The following NHSL1 variants were observed in gnomAD, a reference collection of about 807,000 sequenced individuals.
NHSL1 encodes NHS-like protein 1.
Under a neutral mutation model 95.0 loss-of-function variants are expected in NHSL1, and 48 were observed. The ratio of observed to expected loss-of-function variants is 0.51; its 90% CI spans 0.40 to 0.64. The LOEUF (loss-of-function observed/expected upper bound fraction) is 0.64. Among genes scored for constraint, NHSL1 ranks in the 30% least tolerant of loss-of-function variants. The pLI is 0.00. For synonymous variants in NHSL1, 783 were observed against 833.9 expected, an observed-to-expected ratio of 0.94 and a Z score of 1.05; for missense variants, 1,971 against 2,077.7, an observed-to-expected ratio of 0.95 and a Z score of 1.00.
rs1775573258 is a variant in NHSL1, at chr6:138,430,663, G to A, written c.3682C>T (p.Pro1228Ser). 7 of 1,551,610 alleles carry A rather than the reference G, an allele frequency of 4.5e-6. No homozygotes were observed. The East Asian group carries it at 1.7e-4, about 38-fold the overall frequency. Residue 1228 changes from proline (P) to serine (S), a missense_variant, in exon 6 of 8, where the codon CCC (proline) becomes TCC (serine). Coordinates refer to ENST00000343505, the MANE Select transcript of NHSL1 (RefSeq NM_001144060.2). This position sits in a 1 kb window ranked among gnomAD's most constrained non-coding sequence, Gnocchi z 4.7. ...CCCTCCTCTCCCGTCGTGGGGCTGG[G>A]CACAGCTCGGAGGGCTTCGCTCACG... Reference protein sequence around the residue: ...ENVSEALRAVPSPTTGEEGSV... With the variant: ...ENVSEALRAVSSPTTGEEGSV...
rs1469877185 is a variant in NHSL1 at position 138,432,436 on chromosome 6, T to C, written c.1909A>G (p.Ile637Val). Reference protein sequence around the residue: ...DGFGNPRHSVINVFVGRAQKN... With the variant: ...DGFGNPRHSVVNVFVGRAQKN... ...TGAGCTCTTCCAACAAAAACATTGA[T>C]CACGCTGTGCCTGGGGTTCCCAAAG... Residue 637 changes from isoleucine to valine, a missense_variant, in exon 6 of 8, where the codon ATC becomes GTC. Physicochemically the swap from Ile to Val is conservative, Grantham distance 29 (BLOSUM62 3). Around this residue, in one of 3 missense-constraint regions of NHSL1, gnomAD observed 1,602 missense variants for 1,654.5 expected, o/e 0.97. Coordinates refer to ENST00000343505, the MANE Select transcript of NHSL1 (RefSeq NM_001144060.2). This position sits in a 1 kb window ranked among gnomAD's most constrained non-coding sequence, Gnocchi z 4.4. 1 of 1,552,380 alleles carries C rather than the reference T, an allele frequency of 6.4e-7. No homozygotes were observed.
chr6:138,584,230 A>C (rs990424552), intron 1 of NHSL1, among the ~76,000 whole-genome samples: 3 of 152,016 alleles, frequency 2.0e-5, no homozygotes, highest in Admixed American at 6.6e-5. Flanking sequence ...TTTTCCTACA[A>C]CCTTGTTTGT....
rs57326772 is a variant in NHSL1 at position 138,458,374 on chromosome 6, G to A, written c.340-11181C>T. Reference sequence around the variant, plus strand: ...AACTTTAGATTCAGCTTCCTTAGTCGTCTCTCTCCTCCTCTCATCCCCCAA... The same window carrying A: ...AACTTTAGATTCAGCTTCCTTAGTCATCTCTCTCCTCCTCTCATCCCCCAA... On this transcript the variant is annotated intron_variant, in intron 3 of 7. Transcript: ENST00000343505. Among the ~76,000 whole-genome samples the A allele has an allele frequency of 8.6e-4, 131 of 152,030 alleles. 2 individuals are homozygous for A. Among genetic ancestry groups the A allele is most frequent in the East Asian group, 5.8e-4 (3 of 5,162 alleles).
chr6:138,607,699 C>A (rs7767451), intron 1 of NHSL1, among the ~76,000 whole-genome samples: 78 of 152,306 alleles, frequency 5.1e-4, no homozygotes, highest in African/African-American at 1.8e-3. Flanking sequence ...GAGTCATAAT[C>A]GGAGTGGGGT....
At chr6:138,485,696 T>C (rs1238751596) in intron 2 of NHSL1, among the ~76,000 whole-genome samples, 1 of 152,196 alleles carries the variant, frequency 6.6e-6, no homozygotes, top group African/African-American at 2.4e-5. Context: ...TAATTCCCAT[T>C]CTGTTAATCC....
intron 3 of NHSL1, among the ~76,000 whole-genome samples, chr6:138,471,090 G>A (rs1229545456): frequency 6.6e-6 from 1 of 152,178 alleles, no homozygotes; most frequent in African/African-American, 2.4e-5. Context: ...ACATCTGGGA[G>A]AGGGCTGCTT....
chr6:138,472,042 C>T (rs1381188915), intron 3 of NHSL1, among the ~76,000 whole-genome samples: 3 of 151,948 alleles, frequency 2.0e-5, no homozygotes, highest in Admixed American at 1.3e-4. Context: ...ATCTGCCAAG[C>T]GTGGTGGCGT....
chr6:138,516,499 G>A (rs186285954), intron 1 of NHSL1, among the ~76,000 whole-genome samples: 28 of 152,294 alleles, frequency 1.8e-4, no homozygotes, highest in African/African-American at 6.3e-4. Context: ...ATGGCTGTGG[G>A]AGATATGGCT....
intron 1 of NHSL1, among the ~76,000 whole-genome samples, chr6:138,508,060 G>A (rs1339228861): frequency 1.3e-5 from 2 of 152,152 alleles, no homozygotes; most frequent in African/African-American, 2.4e-5. Context: ...TGCTGCCATC[G>A]GCTTGGTCAA....
intron 1 of NHSL1, among the ~76,000 whole-genome samples, chr6:138,537,575 C>A (rs1027152032): frequency 7.4e-6 from 1 of 135,414 alleles, no homozygotes; most frequent in Non-Finnish European, 1.5e-5. Context: ...GAGAAAATAC[C>A]AGCATCTTAT....
In NHSL1 at chr6:138,614,661, C is replaced by T. The variant is rs114136897; in HGVS notation, c.96+77815G>A. Among the ~76,000 whole-genome samples, 333 of 152,196 alleles carry T rather than the reference C, an allele frequency of 2.2e-3. 2 individuals carry two copies. Among genetic ancestry groups the T allele is most frequent in the African/African-American group, 7.2e-3 (300 of 41,510 alleles). On this transcript the variant is annotated intron_variant, in intron 1 of 3. Coordinates refer to the NHSL1 transcript ENST00000491526. ...ACTCCATGTCAGGGGGTCCACAACC[C>T]GCAGGCCATGGACCAGTACCAGTCT...
At chr6:138,518,071 A>G (rs1375105264) in intron 1 of NHSL1, among the ~76,000 whole-genome samples, 1 of 152,180 alleles carries the variant, frequency 6.6e-6, no homozygotes, top group Non-Finnish European at 1.5e-5. Context: ...GGAGTGAGAA[A>G]CTGCTGCAAG....
At chr6:138,661,557 G>C (rs1319598548) in intron 1 of NHSL1, among the ~76,000 whole-genome samples, 1 of 151,864 alleles carries the variant, frequency 6.6e-6, no homozygotes, top group Non-Finnish European at 1.5e-5. Context: ...AAGTACTCAG[G>C]AGGCTGAGGT....
At chr6:138,436,004 G>C (rs1229858203) in intron 5 of NHSL1, among the ~76,000 whole-genome samples, 5 of 152,134 alleles carry the variant, frequency 3.3e-5, no homozygotes, top group Non-Finnish European at 7.3e-5. Context: ...TGTGTGTTCT[G>C]ACTGCTCCAC....
At chr6:138,509,843 A>G (rs1296123875) in intron 1 of NHSL1, among the ~76,000 whole-genome samples, 2 of 152,242 alleles carry the variant, frequency 1.3e-5, no homozygotes, top group Non-Finnish European at 2.9e-5. Flanking sequence ...AGTACCCCTG[A>G]GTTATACAAA....
At chr6:138,583,763 A>T (rs967008859) in intron 1 of NHSL1, among the ~76,000 whole-genome samples, 1 of 152,144 alleles carries the variant, frequency 6.6e-6, no homozygotes, top group Non-Finnish European at 1.5e-5. Flanking sequence ...ACATAATCTA[A>T]TCTGGCTTGA....
At chr6:138,665,525 C>T (rs1041165683) in intron 1 of NHSL1, among the ~76,000 whole-genome samples, 8 of 152,196 alleles carry the variant, frequency 5.3e-5, no homozygotes, top group Admixed American at 1.3e-4. Context: ...ACCAGCAATG[C>T]CCAGCACACT....
chr6:138,457,586 A>G (rs1192195299), intron 3 of NHSL1, among the ~76,000 whole-genome samples: 2 of 152,192 alleles, frequency 1.3e-5, no homozygotes, highest in Non-Finnish European at 2.9e-5. Flanking sequence ...TTTGTAAGAA[A>G]TACCTCTTTT....
intron 3 of NHSL1, among the ~76,000 whole-genome samples, chr6:138,466,095 A>G (rs1778361930): frequency 6.8e-6 from 1 of 146,032 alleles, no homozygotes; most frequent in Non-Finnish European, 1.5e-5. Flanking sequence ...GCTGGAGTGC[A>G]GTGGTGCGAT....
Sources: allele counts gnomAD v4.1 joint callset (sites outside exome capture counted in the v4.1 genomes callset), GRCh38; gene constraint gnomAD v4.1.1; regional missense constraint gnomAD v4.1.1; non-coding constraint Gnocchi (gnomAD v3.1); transcripts MANE v1.5; gene names NCBI Gene and HGNC (gene_info 2026-07-23, HGNC 2026-07-21).